GLB1L3: variants seen among roughly 807,000 people sequenced by gnomAD.
The protein encoded by GLB1L3 is beta-galactosidase-1-like protein 3.
Under a neutral mutation model 89.5 loss-of-function variants are expected in GLB1L3, and 89 were observed. The ratio of observed to expected loss-of-function variants is 0.99; its 90% CI spans 0.84 to 1.19. GLB1L3 has a LOEUF of 1.19. GLB1L3 is among the 50% of genes most tolerant of loss of function. GLB1L3 has a pLI of 0.00. For missense variants in GLB1L3, 812 were observed against 813.3 expected (o/e 1.00, Z 0.02); for synonymous variants, 314 against 312.3 (o/e 1.01, Z -0.06).
At chr11:134,280,861 T>G (rs892303968) in intron 3 of GLB1L3, among the ~76,000 whole-genome samples, 5 of 152,230 alleles carry the variant, frequency 3.3e-5, no homozygotes, top group Non-Finnish European at 5.9e-5. Context: ...AGTTGCCTAG[T>G]GAACTATGCC....
chr11:134,277,303 A>G, intron 1 of GLB1L3, 23 bp from the exon 2 acceptor site: 1 of 1,613,478 alleles, frequency 6.2e-7, no homozygotes, highest in South Asian at 1.1e-5. Flanking sequence ...TCCCCTTGTC[A>G]CTGTTGTCCT....
chr11:134,324,564 T>G (rs990589978), downstream of GLB1L3, among the ~76,000 whole-genome samples: 10 of 152,220 alleles, frequency 6.6e-5, no homozygotes, highest in African/African-American at 2.2e-4. Context: ...GCCTAATTTT[T>G]GCCGACCACT....
At position 134,300,525 on chromosome 11, in the gene GLB1L3, G is replaced by C. The variant is rs192677421; in HGVS notation, c.877-6599G>C. Among the ~76,000 whole-genome samples the C allele has an allele frequency of 2.4e-4, 37 of 151,944 alleles. No homozygotes were observed. In the East Asian group the frequency reaches 6.4e-3, roughly 26 times the overall value. On this transcript the variant is annotated intron_variant, in intron 9 of 19. Coordinates refer to ENST00000431683, the MANE Select transcript of GLB1L3 (RefSeq NM_001080407.3). ...TTTTTTTTGTATTTTTAGTAGAGAC[G>C]GGGTTTCACCGTGTTAGCCAGGATG...
At chr11:134,290,997 C>A (rs1051523797) in intron 7 of GLB1L3, among the ~76,000 whole-genome samples, 2 of 152,088 alleles carry the variant, frequency 1.3e-5, no homozygotes, top group Admixed American at 6.6e-5. Context: ...AGGGTCATTC[C>A]CCACAAAAGT....
At chr11:134,308,571 CCATCACCATCACCAT>C (rs1942523034) in intron 10 of GLB1L3, among the ~76,000 whole-genome samples, 2 of 122,698 alleles carry the variant, frequency 1.6e-5, no homozygotes, top group African/African-American at 6.4e-5. Context: ...ACCACCACCA[CCATCACCATCACCAT>C]CATCACCATC....
intron 3 of GLB1L3, 140 bp downstream of exon 3, chr11:134,278,052 T>A: frequency 1.3e-6 from 1 of 776,388 alleles, no homozygotes; most frequent in Non-Finnish European, 2.1e-6. Context: ...ATTTAATGCT[T>A]AAGCGTCCAG....
At chr11:134,308,419 TCATCACCATCAC>T (rs1942441453) in intron 10 of GLB1L3, among the ~76,000 whole-genome samples, 1 of 19,798 alleles carries the variant, frequency 5.1e-5, no homozygotes, top group African/African-American at 2.3e-4. Flanking sequence ...ACCACCACCA[TCATCACCATCAC>T]CACCACCACC....
chr11:134,293,071 C>A, intron 8 of GLB1L3, 74 bp from the exon 9 acceptor site: 1 of 1,243,190 alleles, frequency 8.0e-7, no homozygotes, highest in Middle Eastern at 1.9e-4. Context: ...GCGTCCGGGC[C>A]GGGGGCGCAT....
chr11:134,312,242 G>A (rs979175827), intron 13 of GLB1L3, 107 bp from the exon 14 acceptor site: 15 of 1,290,342 alleles, frequency 1.2e-5, no homozygotes, highest in African/African-American at 1.0e-4. Context: ...TTTCCCATTT[G>A]AAGAACCCTT....
At chr11:134,293,059 G>A (rs1193622055) in intron 8 of GLB1L3, 86 bp from the exon 9 acceptor site, 31 of 1,043,116 alleles carry the variant, frequency 3.0e-5, no homozygotes, top group South Asian at 3.9e-5. Flanking sequence ...TTCCTCCTGC[G>A]TGCGTCCGGG....
intron 9 of GLB1L3, among the ~76,000 whole-genome samples, chr11:134,300,541 A>G (rs868008477): frequency 3.8e-4 from 58 of 151,914 alleles, no homozygotes; most frequent in African/African-American, 6.3e-4. Context: ...TCACCGTGTT[A>G]GCCAGGATGG....
At chr11:134,314,865 G>T (rs1942912093) in intron 18 of GLB1L3, among the ~76,000 whole-genome samples, 2 of 152,002 alleles carry the variant, frequency 1.3e-5, no homozygotes, top group Admixed American at 1.3e-4. Flanking sequence ...GGGGTGAGTT[G>T]GTAAGTTAGT....
intron 6 of GLB1L3, among the ~76,000 whole-genome samples, chr11:134,288,443 C>T (rs891649107): frequency 2.6e-5 from 4 of 152,156 alleles, no homozygotes; most frequent in Non-Finnish European, 4.4e-5. Flanking sequence ...GCCGTGGGAC[C>T]CACACGCAAG....
chr11:134,315,383 G>A (rs147449907), intron 18 of GLB1L3, among the ~76,000 whole-genome samples: 72 of 152,276 alleles, frequency 4.7e-4, no homozygotes, highest in African/African-American at 1.7e-3. Flanking sequence ...AGGCGAATTT[G>A]TGTAAGACAA....
chr11:134,323,934 T>G (rs1466043667), downstream of GLB1L3, among the ~76,000 whole-genome samples: 1 of 152,240 alleles, frequency 6.6e-6, no homozygotes, highest in African/African-American at 2.4e-5. Flanking sequence ...GAAGAGGCCC[T>G]ACCTTATACT....
At chr11:134,309,932 C>T in intron 11 of GLB1L3, 169 bp downstream of exon 11, 1 of 719,614 alleles carries the variant, frequency 1.4e-6, no homozygotes, top group East Asian at 2.8e-5. Context: ...CATAATGCCC[C>T]AACAGGCTGT....
chr11:134,308,409 ACC>A (rs1942436273), intron 10 of GLB1L3, among the ~76,000 whole-genome samples: 1 of 108,820 alleles, frequency 9.2e-6, no homozygotes, highest in Non-Finnish European at 1.9e-5. Flanking sequence ...CACCATCACC[ACC>A]ACCACCATCA....
intron 2 of GLB1L3, 55 bp from the exon 3 acceptor site, chr11:134,277,645 C>T: frequency 6.4e-7 from 1 of 1,560,558 alleles, no homozygotes; most frequent in East Asian, 2.4e-5. Context: ...CCTCCGAGCC[C>T]TCTCCCGAAT....
rs1940383695 is a variant in GLB1L3 at position 134,276,676 on chromosome 11, G to A, written c.-65G>A. ...GGGGCTCGAGTCCCGGCCCGAGCGC[G>A]GCGTCGGGGCCAGCGGAGAGGGGCG... On this transcript the variant is annotated 5_prime_UTR_variant, in exon 1 of 20. Coordinates refer to ENST00000431683, the MANE Select transcript of GLB1L3 (RefSeq NM_001080407.3). The A allele has an allele frequency of 1.5e-6, 2 of 1,343,684 alleles. No individual in the cohort carries two copies. Among genetic ancestry groups the A allele is most frequent in the Admixed American group, 3.4e-5 (1 of 29,212 alleles). The allele number at this position is 1,343,684 out of a possible 1,614,324, so 83.2% of individuals were successfully genotyped here. A position where few individuals can be genotyped will look rare whatever the true frequency, so the allele number is the denominator to read the frequency against.
Sources: allele counts gnomAD v4.1 joint callset (sites outside exome capture counted in the v4.1 genomes callset), GRCh38; gene constraint gnomAD v4.1.1; transcripts MANE v1.5; gene names NCBI Gene and HGNC (gene_info 2026-07-23, HGNC 2026-07-21).